The following SCUBE1 variants were observed in gnomAD, a reference collection of about 807,000 sequenced individuals.
SCUBE1 encodes signal peptide, CUB and EGF-like domain-containing protein 1.
A neutral mutation model predicts 124.4 loss-of-function variants in SCUBE1; 59 were observed. That is an observed-to-expected ratio of 0.47 (90% confidence interval 0.38 to 0.59). The LOEUF (loss-of-function observed/expected upper bound fraction) is 0.59. Ranked by LOEUF, SCUBE1 falls within the 20% of genes least tolerant of loss-of-function variation. The pLI is 0.00. For synonymous variants in SCUBE1, 545 were observed against 550.9 expected (o/e 0.99, Z 0.15); for missense variants, 1,150 against 1,371.2 (o/e 0.84, Z 2.55).
chr22:43,205,413 C>T (rs1424853249), intron 21 of SCUBE1, among the ~76,000 whole-genome samples: 2 of 152,022 alleles, frequency 1.3e-5, no homozygotes, highest in East Asian at 3.8e-4. Context: ...AGGTCTGGTT[C>T]CTGACAGAGT....
At chr22:43,315,604 AAG>A (rs1314669678) in intron 3 of SCUBE1, among the ~76,000 whole-genome samples, 1 of 152,078 alleles carries the variant, frequency 6.6e-6, no homozygotes, top group African/African-American at 2.4e-5. Flanking sequence ...TGTCTTGAGA[AAG>A]AGAAAGCCTG....
rs1923738069 is a variant in SCUBE1 at position 43,258,222 on chromosome 22, T to C, written c.724A>G (p.Ile242Val). 2.5e-6 allele frequency: 4 copies of C among 1,610,534 alleles called. No individual in the cohort carries two copies. Among genetic ancestry groups the C allele is most frequent in the Non-Finnish European group, 1.7e-6 (2 of 1,177,094 alleles). Residue 242 changes from isoleucine (I) to valine (V), a missense_variant, in exon 6 of 22, where the codon ATC becomes GTC. Ile to Val is a conservative substitution (Grantham distance 29, BLOSUM62 3). Around this residue, in one of 3 missense-constraint regions of SCUBE1, gnomAD observed 337 missense variants for 482.1 expected, o/e 0.70. Transcript: ENST00000360835. This position sits in a 1 kb window ranked among gnomAD's most constrained non-coding sequence, Gnocchi z 5.0. ...YALHSDGRTCIETCAVNNGGC... is the reference protein window; with the variant it reads ...YALHSDGRTCVETCAVNNGGC... ...TGTGGCAGAGGTGCCTACTTACCGATGCACGTGCGACCGTCTGAGTGGAGG... is the reference window on the plus strand; with the variant it reads ...TGTGGCAGAGGTGCCTACTTACCGACGCACGTGCGACCGTCTGAGTGGAGG...
intron 6 of SCUBE1, among the ~76,000 whole-genome samples, chr22:43,240,146 G>C (rs1922945983): frequency 6.6e-6 from 1 of 152,158 alleles, no homozygotes; most frequent in South Asian, 2.1e-4. Flanking sequence ...CTGCAGGGCT[G>C]AGGTGGTGGG....
intron 16 of SCUBE1, 27 bp downstream of exon 16, chr22:43,214,063 C>A: frequency 4.5e-6 from 3 of 663,884 alleles, no homozygotes; most frequent in Admixed American, 5.8e-5. Context: ...CCCCCACCCC[C>A]ACCTCTCCTT....
At chr22:43,305,695 G>A (rs957267190) in intron 3 of SCUBE1, among the ~76,000 whole-genome samples, 1 of 152,156 alleles carries the variant, frequency 6.6e-6, no homozygotes, top group African/African-American at 2.4e-5. Context: ...GGTCCCACTC[G>A]GCAGGGCCTC....
intron 6 of SCUBE1, among the ~76,000 whole-genome samples, chr22:43,241,283 G>A (rs1922993778): frequency 1.3e-5 from 2 of 152,082 alleles, no homozygotes; most frequent in Admixed American, 6.5e-5. Flanking sequence ...TGACCAACCC[G>A]CTCCACAGCA....
intron 5 of SCUBE1, among the ~76,000 whole-genome samples, chr22:43,261,425 C>T (rs1235952457): frequency 1.3e-5 from 2 of 152,208 alleles, no homozygotes; most frequent in Admixed American, 1.3e-4. Flanking sequence ...AAGGAAGCAC[C>T]TTCACTTTGA....
At chr22:43,249,612 C>A (rs967678936) in intron 6 of SCUBE1, among the ~76,000 whole-genome samples, 3 of 152,246 alleles carry the variant, frequency 2.0e-5, no homozygotes, top group Admixed American at 6.5e-5. Flanking sequence ...CCCTTCCATC[C>A]TTTCTTTCCC....
At chr22:43,278,744 C>G (rs938713911) in intron 4 of SCUBE1, among the ~76,000 whole-genome samples, 22 of 152,344 alleles carry the variant, frequency 1.4e-4, no homozygotes, top group Admixed American at 8.5e-4. Flanking sequence ...GTCCTGCCCC[C>G]CCAGTGCAGC....
chr22:43,244,848 G>T (rs568006992), intron 6 of SCUBE1, among the ~76,000 whole-genome samples: 3 of 152,378 alleles, frequency 2.0e-5, no homozygotes, highest in African/African-American at 7.2e-5. Flanking sequence ...CTGCCCCTCA[G>T]TGGCCTACCC....
In SCUBE1 at chr22:43,229,187, G is replaced by A; in HGVS notation, c.969C>T (p.Asp323=). 2.5e-6 allele frequency: 4 copies of A among 1,609,570 alleles called. No individual in the cohort carries two copies. The highest frequency in any genetic ancestry group is 3.4e-6 in the Non-Finnish European group (4 of 1,176,098). The change falls in exon 9 of 22, where the codon GAC becomes GAT. Residue 323 remains aspartate, a splice_region_variant and synonymous_variant. Transcript: ENST00000360835. The part of the protein sequence containing the change: ...KLLTDERTCQ[D]IDECSFERTC... The stretch of plus-strand genomic sequence containing the variant: ...TCCGCTCGAAGGAGCACTCGTCGAT[G>A]TCTGCGTGGCCACAGGGAGACAAAG...
intron 7 of SCUBE1, among the ~76,000 whole-genome samples, chr22:43,235,725 ACAGT>A (rs1922733697): frequency 6.6e-6 from 1 of 152,112 alleles, no homozygotes; most frequent in Admixed American, 6.5e-5. Flanking sequence ...TCCTTCAGCT[ACAGT>A]CACTTTCCCA....
In SCUBE1 at chr22:43,210,947, G is replaced by A; in HGVS notation, c.2358C>T (p.Gly786=). 1 of 1,614,110 alleles carries A rather than the reference G, an allele frequency of 6.2e-7. No homozygotes were observed. Residue 786 remains glycine, a synonymous_variant, in exon 18 of 22, where the codon GGC becomes GGT. Coordinates refer to ENST00000360835, the MANE Select transcript of SCUBE1 (RefSeq NM_173050.5). The surrounding 1 kb of genome is among the most constrained non-coding windows in gnomAD (Gnocchi z 4.5). ...CPGNTSTDFD[G]STNVTHCKNQ... ...TTTTGCAGTGTGTGACGTTGGTGGA[G>A]CCATCGAAGTCTGTGCTGGTGTTGC...
intron 4 of SCUBE1, 46 bp downstream of exon 4, chr22:43,290,999 GC>G: frequency 6.6e-7 from 1 of 1,521,514 alleles, no homozygotes; most frequent in Non-Finnish European, 8.9e-7. Context: ...TCTGGGGGCT[GC>G]CCATCCTGGG....
intron 8 of SCUBE1, among the ~76,000 whole-genome samples, chr22:43,231,412 T>A (rs1305249227): frequency 6.6e-6 from 1 of 152,228 alleles, no homozygotes. Context: ...TGCAACGCTT[T>A]CCAACAGATG....
At chr22:43,310,101 T>C (rs1489849302) in intron 3 of SCUBE1, among the ~76,000 whole-genome samples, 2 of 152,256 alleles carry the variant, frequency 1.3e-5, no homozygotes, top group Admixed American at 6.5e-5. Flanking sequence ...CGAGACGATA[T>C]GACCCTGCCT....
At chr22:43,233,288 C>A (rs1922629604) in intron 7 of SCUBE1, 1 of 152,268 alleles carries the variant, frequency 6.6e-6, no homozygotes, top group Non-Finnish European at 1.5e-5. Context: ...CGCTTGAACC[C>A]AGGAGGTGGA....
At chr22:43,265,404 C>G (rs1269758505) in intron 4 of SCUBE1, among the ~76,000 whole-genome samples, 1 of 152,216 alleles carries the variant, frequency 6.6e-6, no homozygotes, top group Non-Finnish European at 1.5e-5. Context: ...GCCCCAGGCC[C>G]TATCTGTAGT....
At chr22:43,337,812 C>T (rs1311863401) in intron 2 of SCUBE1, among the ~76,000 whole-genome samples, 1 of 152,254 alleles carries the variant, frequency 6.6e-6, no homozygotes, top group African/African-American at 2.4e-5. Flanking sequence ...ACAGAAAGAG[C>T]AGGGACCCAT....
Sources: allele counts gnomAD v4.1 joint callset (sites outside exome capture counted in the v4.1 genomes callset), GRCh38; gene constraint gnomAD v4.1.1; regional missense constraint gnomAD v4.1.1; non-coding constraint Gnocchi (gnomAD v3.1); transcripts MANE v1.5; gene names NCBI Gene and HGNC (gene_info 2026-07-23, HGNC 2026-07-21).